The following SLC30A8 variants were observed in gnomAD, a reference collection of about 807,000 sequenced individuals.
SLC30A8 encodes the protein solute carrier family 30 member 8, also known as proton-coupled zinc antiporter SLC30A8.
Under a neutral mutation model 36.9 loss-of-function variants are expected in SLC30A8, and 27 were observed. The ratio of observed to expected loss-of-function variants is 0.73; its 90% confidence interval spans 0.54 to 1.01. The LOEUF is 1.01. Among genes scored for constraint, SLC30A8 ranks in the 50% least tolerant of loss-of-function variants. The pLI is 0.00. For missense variants in SLC30A8, 439 were observed against 452.0 expected (o/e 0.97, Z 0.26); for synonymous variants, 164 against 172.4 (o/e 0.95, Z 0.38).
chr8:117,055,426 G>T (rs1007669257), intron 2 of SLC30A8, among the ~76,000 whole-genome samples: 2 of 152,194 alleles, frequency 1.3e-5, no homozygotes, highest in Non-Finnish European at 2.9e-5. Flanking sequence ...CCCAGGGACA[G>T]CAGCAGTTGC....
chr8:117,058,507 A>G (rs1325311897), intron 2 of SLC30A8, among the ~76,000 whole-genome samples: 2 of 152,074 alleles, frequency 1.3e-5, no homozygotes, highest in African/African-American at 4.8e-5. Context: ...TCATGACCTA[A>G]TCACCTTCCC....
rs2129823259 is a variant in SLC30A8 at position 117,176,264 on chromosome 8, G to A, written c.*3583G>A. The A allele has an allele frequency of 6.6e-6, 1 of 152,506 alleles. No homozygotes were observed. Among genetic ancestry groups the A allele is most frequent in the African/African-American group, 2.4e-5 (1 of 41,516 alleles). The allele number at this position is 152,506 out of a possible 1,614,324, so 9.4% of individuals were successfully genotyped here. A position where few individuals can be genotyped will look rare whatever the true frequency, so the allele number is the denominator to read the frequency against. On this transcript the variant is annotated 3_prime_UTR_variant, in exon 8 of 8. Transcript: ENST00000456015. Reference sequence around the variant, plus strand: ...GGCATATACATTTTATAGATTCCTGGAGAATGTTGCTCTCCAGCTCCATCC... The same window carrying A: ...GGCATATACATTTTATAGATTCCTGAAGAATGTTGCTCTCCAGCTCCATCC...
intron 2 of SLC30A8, among the ~76,000 whole-genome samples, chr8:117,043,613 T>G (rs2130760592): frequency 6.6e-6 from 1 of 152,312 alleles, no homozygotes; most frequent in East Asian, 1.9e-4. Context: ...TCCCATAAGG[T>G]CTGACACCAG....
At chr8:117,099,224 C>T (rs1819605551) in intron 2 of SLC30A8, among the ~76,000 whole-genome samples, 1 of 152,112 alleles carries the variant, frequency 6.6e-6, no homozygotes, top group African/African-American at 2.4e-5. Context: ...AGGGCATTTG[C>T]ACCTGCTGTT....
chr8:117,003,842 A>G (rs1816090506), intron 1 of SLC30A8, among the ~76,000 whole-genome samples: 1 of 152,218 alleles, frequency 6.6e-6, no homozygotes. Flanking sequence ...CATATGGGCC[A>G]GAGGAAAACA....
intron 2 of SLC30A8, among the ~76,000 whole-genome samples, chr8:117,111,658 C>CT (rs1822799266): frequency 6.6e-6 from 1 of 152,050 alleles, no homozygotes; most frequent in South Asian, 2.1e-4. Flanking sequence ...GAGGCACTGT[C>CT]TTTCCACTGG....
chr8:117,171,384 G>T (rs1245861465), intron 7 of SLC30A8, among the ~76,000 whole-genome samples: 4 of 152,070 alleles, frequency 2.6e-5, no homozygotes, highest in African/African-American at 9.7e-5. Flanking sequence ...GACTGCAGAG[G>T]GCTGAGGACA....
At chr8:117,025,201 G>A (rs1031869189) in intron 1 of SLC30A8, among the ~76,000 whole-genome samples, 8 of 152,290 alleles carry the variant, frequency 5.3e-5, no homozygotes, top group Non-Finnish European at 7.4e-5. Context: ...ACTAATGTGT[G>A]CTCCATGAAA....
chr8:117,163,291 G>A (rs1256882531), intron 5 of SLC30A8, 134 bp from the exon 6 acceptor site: 6 of 611,426 alleles, frequency 9.8e-6, no homozygotes, highest in Non-Finnish European at 1.6e-5. Context: ...CCTCTCAGTT[G>A]GATGACACAT....
At chr8:116,992,075 A>G (rs912636704) in intron 1 of SLC30A8, among the ~76,000 whole-genome samples, 2 of 152,176 alleles carry the variant, frequency 1.3e-5, no homozygotes, top group African/African-American at 4.8e-5. Flanking sequence ...CACTAGGGAG[A>G]TTTATTTGAC....
At chr8:117,089,675 C>T (rs979294125) in intron 2 of SLC30A8, among the ~76,000 whole-genome samples, 1 of 152,204 alleles carries the variant, frequency 6.6e-6, no homozygotes, top group Non-Finnish European at 1.5e-5. Flanking sequence ...ATACTTAACA[C>T]TGCAGCCAGA....
intron 2 of SLC30A8, among the ~76,000 whole-genome samples, chr8:117,047,252 A>C (rs900838400): frequency 6.6e-6 from 1 of 152,056 alleles, no homozygotes; most frequent in Non-Finnish European, 1.5e-5. Context: ...CCTCACCATG[A>C]TATTGTGAGG....
At chr8:117,119,945 AAAC>A (rs1268539727) in intron 2 of SLC30A8, among the ~76,000 whole-genome samples, 1 of 151,896 alleles carries the variant, frequency 6.6e-6, no homozygotes, top group Non-Finnish European at 1.5e-5. Flanking sequence ...TATGTGCTGA[AAAC>A]AACATAACAT....
At chr8:117,048,330 A>G (rs1330377906) in intron 2 of SLC30A8, among the ~76,000 whole-genome samples, 2 of 152,236 alleles carry the variant, frequency 1.3e-5, no homozygotes, top group Non-Finnish European at 2.9e-5. Flanking sequence ...TCAGTGACCC[A>G]ATGACTGTTG....
intron 1 of SLC30A8, among the ~76,000 whole-genome samples, chr8:117,034,518 C>G (rs1817151153): frequency 6.6e-6 from 1 of 152,174 alleles, no homozygotes; most frequent in South Asian, 2.1e-4. Context: ...ATTCACCCTA[C>G]TTTATGGTTG....
chr8:117,077,442 T>A (rs1818525270), intron 2 of SLC30A8, among the ~76,000 whole-genome samples: 1 of 152,250 alleles, frequency 6.6e-6, no homozygotes, highest in Non-Finnish European at 1.5e-5. Context: ...ACTTTTTTGA[T>A]GTCTGTGCTA....
intron 2 of SLC30A8, among the ~76,000 whole-genome samples, chr8:117,105,538 A>T (rs58516434): frequency 0.17 from 25,660 of 152,002 alleles, 2,285 homozygotes; most frequent in East Asian, 0.21. Context: ...ATTTTAAGAA[A>T]TTGGTTCGTA....
intron 1 of SLC30A8, among the ~76,000 whole-genome samples, chr8:116,966,544 C>A (rs1212663501): frequency 6.6e-6 from 1 of 152,102 alleles, no homozygotes; most frequent in Admixed American, 6.6e-5. Flanking sequence ...CTCTAGGTAA[C>A]TTTAAGTAAT....
chr8:117,021,941 A>G (rs567376014), intron 1 of SLC30A8, among the ~76,000 whole-genome samples: 5 of 151,272 alleles, frequency 3.3e-5, no homozygotes, highest in African/African-American at 9.6e-5. Flanking sequence ...TATCAGGTCA[A>G]TTGGATAGTC....
Sources: gnomAD v4.1 joint callset for allele counts (sites outside exome capture counted in the v4.1 genomes callset) on GRCh38, gnomAD v4.1.1 for gene constraint, MANE v1.5 for transcripts, NCBI Gene and HGNC (gene_info 2026-07-23, HGNC 2026-07-21) for gene names.